Variants in B4GALT1 observed in about 807,000 individuals in gnomAD.
B4GALT1 encodes N-acetyllactosamine synthase.
B4GALT1 carries 16 observed loss-of-function variants against 34.9 expected under a neutral mutation model. That is an observed-to-expected ratio of 0.46 (90% CI 0.31 to 0.70). The LOEUF (loss-of-function observed/expected upper bound fraction) is 0.70. B4GALT1 is among the 30% of genes least tolerant of loss of function. The pLI, the probability that B4GALT1 is intolerant of heterozygous loss-of-function variation, is 0.05. For synonymous variants in B4GALT1, 221 were observed against 218.1 expected (o/e 1.01, Z -0.12); for missense variants, 445 against 530.5 (o/e 0.84, Z 1.58).
chr9:33,170,038 T>A (rs1264942858), upstream of B4GALT1, among the ~76,000 whole-genome samples: 1 of 149,554 alleles, frequency 6.7e-6, no homozygotes, highest in Non-Finnish European at 1.5e-5. Context: ...GGCGTGATCT[T>A]GGCTCACTGC....
At chr9:33,173,303 G>C in the B4GALT1 span, among the ~76,000 whole-genome samples, 3 of 151,986 alleles carry the variant, frequency 2.0e-5, no homozygotes, top group Non-Finnish European at 4.4e-5. Context: ...TACTCGGGAG[G>C]CTGAGGCAGG....
chr9:33,152,252 C>T (rs1366999351), intron 1 of B4GALT1, among the ~76,000 whole-genome samples: 1 of 151,698 alleles, frequency 6.6e-6, no homozygotes, highest in East Asian at 1.9e-4. Context: ...TGCAGTGAGC[C>T]GAGATTTCAC....
intron 1 of B4GALT1, among the ~76,000 whole-genome samples, chr9:33,141,489 C>A (rs1042227564): frequency 6.6e-6 from 1 of 152,116 alleles, no homozygotes; most frequent in African/African-American, 2.4e-5. Context: ...TGCACTCCAG[C>A]CTGGGCGACA....
intron 3 of B4GALT1, among the ~76,000 whole-genome samples, chr9:33,118,660 C>G (rs900738507): frequency 1.3e-5 from 2 of 151,500 alleles, no homozygotes; most frequent in Non-Finnish European, 2.9e-5. Flanking sequence ...ACAAGCAAGA[C>G]TCTGTCTCAA....
At chr9:33,152,810 G>C (rs905336535) in intron 1 of B4GALT1, among the ~76,000 whole-genome samples, 2 of 152,256 alleles carry the variant, frequency 1.3e-5, no homozygotes, top group Non-Finnish European at 2.9e-5. Context: ...GGAGGCGGTG[G>C]TTGCAGTGAG....
rs569375888 is a variant in B4GALT1 at position 33,113,270 on chromosome 9, C to T, written c.*184G>A. 9.8e-6 allele frequency: 8 copies of T among 813,194 alleles called. No individual in the cohort carries two copies. The highest frequency in any genetic ancestry group is 8.6e-5 in the Admixed American group (4 of 46,444). 50.4% of individuals were successfully genotyped at this position (813,194 alleles called of 1,614,324 possible). A position where few individuals can be genotyped will look rare whatever the true frequency, so the allele number is the denominator to read the frequency against. ...CTTGCAGAGCTAAGAATTCACATGC[C>T]GAGCCAAGTTGGGGGCAAAATATCC... On this transcript the variant is annotated 3_prime_UTR_variant, in exon 6 of 6. Coordinates refer to ENST00000379731, the MANE Select transcript of B4GALT1 (RefSeq NM_001497.4).
intron 2 of B4GALT1, among the ~76,000 whole-genome samples, chr9:33,125,148 C>T (rs1840072978): frequency 6.6e-6 from 1 of 152,148 alleles, no homozygotes; most frequent in African/African-American, 2.4e-5. Context: ...GAGACTGCCA[C>T]AAGATGGGGA....
chr9:33,132,885 A>T (rs1840214150), intron 2 of B4GALT1, among the ~76,000 whole-genome samples: 1 of 151,994 alleles, frequency 6.6e-6, no homozygotes, highest in African/African-American at 2.4e-5. Flanking sequence ...ACCCAAGTAT[A>T]TATTTTATTT....
chr9:33,145,740 A>T (rs1840416001), intron 1 of B4GALT1, among the ~76,000 whole-genome samples: 1 of 152,232 alleles, frequency 6.6e-6, no homozygotes, highest in East Asian at 1.9e-4. Flanking sequence ...TCCTGGATGC[A>T]TCCACACAGT....
chr9:33,112,056 G>C lies in B4GALT1; in HGVS notation c.*1398C>G, dbSNP rs1338493468. ...GCCACAGTCAAGTTTTAGGGGACAG[G>C]CAAGAGGCAAAGGAACAAAAAGGGA... On this transcript the variant is annotated 3_prime_UTR_variant, in exon 6 of 6. Transcript: ENST00000379731. The C allele has an allele frequency of 6.5e-6, 1 of 152,878 alleles. No individual in the cohort carries two copies. The highest frequency in any genetic ancestry group is 2.4e-5 in the African/African-American group (1 of 41,448). 9.5% of individuals were successfully genotyped at this position (152,878 alleles called of 1,614,324 possible). A position where few individuals can be genotyped will look rare whatever the true frequency, so the allele number is the denominator to read the frequency against.
intron 2 of B4GALT1, among the ~76,000 whole-genome samples, chr9:33,128,682 C>G (rs1365183375): frequency 1.3e-5 from 2 of 152,218 alleles, no homozygotes; most frequent in Non-Finnish European, 2.9e-5. Context: ...TCCGTTCCCA[C>G]ACACATCAAT....
At chr9:33,174,218 G>A in the B4GALT1 span, 3 of 153,022 alleles carry the variant, frequency 2.0e-5, no homozygotes, top group African/African-American at 7.2e-5. Context: ...CATGTAGTGA[G>A]GGCAGTACTG....
At chr9:33,157,063 TACACACACACACACACAC>T (rs371027641) in intron 1 of B4GALT1, among the ~76,000 whole-genome samples, 4 of 87,306 alleles carry the variant, frequency 4.6e-5, no homozygotes, top group Admixed American at 1.1e-4. Flanking sequence ...CATAGGGAAC[TACACACACACACACACAC>T]ACACACACAC....
the B4GALT1 span, among the ~76,000 whole-genome samples, chr9:33,181,585 T>C: frequency 1.3e-5 from 2 of 152,178 alleles, no homozygotes; most frequent in Admixed American, 6.5e-5. Context: ...CTTCCCTATG[T>C]GGTTGGGACA....
At chr9:33,184,287 C>CACACACACACACAA in the B4GALT1 span, among the ~76,000 whole-genome samples, 1 of 142,678 alleles carries the variant, frequency 7.0e-6, no homozygotes, top group Admixed American at 7.1e-5. Context: ...CACACACACA[C>CACACACACACACAA]AAAAACATAG....
chr9:33,107,140 C>T (rs956022442), downstream of B4GALT1, among the ~76,000 whole-genome samples: 3 of 152,292 alleles, frequency 2.0e-5, no homozygotes, highest in Admixed American at 2.0e-4. Flanking sequence ...GCCTCACAGC[C>T]TGGGTACAGG....
chr9:33,147,700 T>C (rs1840449212), intron 1 of B4GALT1, among the ~76,000 whole-genome samples: 1 of 152,162 alleles, frequency 6.6e-6, no homozygotes, highest in Non-Finnish European at 1.5e-5. Flanking sequence ...AGAAGAGTGC[T>C]GGTGAGAGAC....
In B4GALT1 at chr9:33,165,519, T is replaced by C. The variant is rs865785218; in HGVS notation, c.412+1239A>G. 1.8e-4 allele frequency among the ~76,000 whole-genome samples: 28 copies of C among 152,338 alleles called. 1 individual carries two copies. In the Middle Eastern group the frequency reaches 0.017, roughly 93 times the overall value. ...AACAAGCCCCCATTATTACCACAGT[T>C]CACGTCTGACCAATTCCAAGATGTT... is the stretch of plus-strand genomic sequence containing the variant. On this transcript the variant is annotated intron_variant, in intron 1 of 5. Transcript: ENST00000379731.
chr9:33,113,161 G>A lies in B4GALT1; in HGVS notation c.*293C>T, dbSNP rs1324160947. On this transcript the variant is annotated 3_prime_UTR_variant, in exon 6 of 6. Coordinates refer to ENST00000379731, the MANE Select transcript of B4GALT1 (RefSeq NM_001497.4). ...TTCTATCACCGGGAATGTGTTCCACGGCCACCAAATTTTGGGATGTGTACA... is the reference window on the plus strand; with the variant it reads ...TTCTATCACCGGGAATGTGTTCCACAGCCACCAAATTTTGGGATGTGTACA... The A allele has an allele frequency of 9.1e-6, 4 of 437,186 alleles. No homozygotes were observed. In the East Asian group the frequency reaches 1.3e-4, roughly 14 times the overall value. The allele number at this position is 437,186 out of a possible 1,614,324, so 27.1% of individuals were successfully genotyped here. A position where few individuals can be genotyped will look rare whatever the true frequency, so the allele number is the denominator to read the frequency against.
Sources: allele counts gnomAD v4.1 joint callset (sites outside exome capture counted in the v4.1 genomes callset), GRCh38; gene constraint gnomAD v4.1.1; transcripts MANE v1.5; gene names NCBI Gene and HGNC (gene_info 2026-07-23, HGNC 2026-07-21).